Variants in EPHA6 observed in about 807,000 individuals in gnomAD.
The protein encoded by EPHA6 is ephrin type-A receptor 6.
In EPHA6, 50 loss-of-function variants were observed where a neutral mutation model predicts 112.0. The ratio of observed to expected loss-of-function variants is 0.45; its 90% CI spans 0.36 to 0.56. EPHA6 has a LOEUF of 0.56. Among genes scored for constraint, EPHA6 ranks in the 20% least tolerant of loss-of-function variants. The pLI is 0.00. For missense variants in EPHA6, 1,280 were observed against 1,417.4 expected (o/e 0.90, Z 1.56); for synonymous variants, 529 against 490.7 (o/e 1.08, Z -1.03).
intron 11 of EPHA6, among the ~76,000 whole-genome samples, chr3:97,546,545 G>A (rs1170647720): frequency 2.6e-5 from 4 of 152,042 alleles, no homozygotes; most frequent in African/African-American, 9.7e-5. Context: ...TATGTGTCTT[G>A]GGGTTGCTCT....
intron 2 of EPHA6, among the ~76,000 whole-genome samples, chr3:96,906,813 C>G (rs997283350): frequency 6.6e-6 from 1 of 151,800 alleles, no homozygotes; most frequent in Non-Finnish European, 1.5e-5. Context: ...AGAATTTGGT[C>G]CCTAGAGGTA....
At chr3:97,155,472 G>T (rs752719012) in intron 3 of EPHA6, among the ~76,000 whole-genome samples, 4 of 152,162 alleles carry the variant, frequency 2.6e-5, no homozygotes, top group Non-Finnish European at 5.9e-5. Flanking sequence ...CTGTGTATTA[G>T]TTTGTTGCAG....
At chr3:97,302,053 A>AC (rs2081115259) in intron 5 of EPHA6, among the ~76,000 whole-genome samples, 1 of 152,008 alleles carries the variant, frequency 6.6e-6, no homozygotes, top group Non-Finnish European at 1.5e-5. Context: ...TGTACTTTAA[A>AC]AGAAAATTGT....
chr3:97,548,561 T>C (rs1005842270), intron 11 of EPHA6, among the ~76,000 whole-genome samples: 1 of 152,226 alleles, frequency 6.6e-6, no homozygotes, highest in Non-Finnish European at 1.5e-5. Context: ...TCTTGCCTTC[T>C]GTATTTGTCA....
chr3:96,922,642 A>G (rs1576042831), intron 2 of EPHA6, among the ~76,000 whole-genome samples: 1 of 152,014 alleles, frequency 6.6e-6, no homozygotes, highest in East Asian at 1.9e-4. Flanking sequence ...AATTCATTCC[A>G]CTTTTTTTTT....
chr3:97,247,003 T>A (rs2079005319), intron 5 of EPHA6, among the ~76,000 whole-genome samples: 1 of 152,032 alleles, frequency 6.6e-6, no homozygotes, highest in Non-Finnish European at 1.5e-5. Context: ...TTTCAACTGA[T>A]GCCATTTTGT....
intron 3 of EPHA6, among the ~76,000 whole-genome samples, chr3:97,039,060 C>T (rs1559686964): frequency 6.6e-6 from 1 of 151,866 alleles, no homozygotes; most frequent in Non-Finnish European, 1.5e-5. Flanking sequence ...TGCAGTGAGA[C>T]ATTTAAAGGA....
chr3:96,900,993 A>G (rs1014664810), intron 2 of EPHA6, among the ~76,000 whole-genome samples: 2 of 152,244 alleles, frequency 1.3e-5, no homozygotes, highest in African/African-American at 4.8e-5. Flanking sequence ...TATTGAAACT[A>G]AACTTGATTT....
At position 97,629,283 on chromosome 3, in the gene EPHA6, A is replaced by G. The variant is rs1576130402; in HGVS notation, c.2575-8590A>G. Among the ~76,000 whole-genome samples the G allele has an allele frequency of 5.9e-5, 9 of 152,126 alleles. No homozygotes were observed. In the South Asian group the frequency reaches 1.9e-3, roughly 32 times the overall value. On this transcript the variant is annotated intron_variant, in intron 13 of 17. Transcript: ENST00000389672. ...GAAACACACCTTAATTACATTTTTA[A>G]GAGAAAAATAGGTTAAACTTCATGC...
intron 6 of EPHA6, among the ~76,000 whole-genome samples, chr3:97,424,491 C>T (rs60026543): frequency 0.12 from 18,727 of 152,034 alleles, 3,693 homozygotes; most frequent in African/African-American, 0.41. Flanking sequence ...TCCCTTCTGC[C>T]TATGAGCGTG....
chr3:97,345,523 GA>G (rs1464412424), intron 5 of EPHA6, among the ~76,000 whole-genome samples: 1 of 152,148 alleles, frequency 6.6e-6, no homozygotes, highest in Non-Finnish European at 1.5e-5. Context: ...AAGTGGGCAA[GA>G]AATATGAGGG....
chr3:97,049,343 C>G (rs2045612732), intron 3 of EPHA6, among the ~76,000 whole-genome samples: 1 of 152,168 alleles, frequency 6.6e-6, no homozygotes, highest in Non-Finnish European at 1.5e-5. Flanking sequence ...GAAGAAGCAC[C>G]TGAGAACAGT....
chr3:97,428,324 G>A (rs144476560), intron 6 of EPHA6, among the ~76,000 whole-genome samples: 63 of 152,172 alleles, frequency 4.1e-4, no homozygotes, highest in African/African-American at 1.4e-3. Flanking sequence ...AAAGAGGGAG[G>A]AGACTGGATA....
chr3:97,176,106 C>G (rs556824047), intron 3 of EPHA6, among the ~76,000 whole-genome samples: 1 of 151,806 alleles, frequency 6.6e-6, no homozygotes, highest in Non-Finnish European at 1.5e-5. Context: ...GGATTTTTAT[C>G]ATGAAGTCAT....
rs145356069 is a variant in EPHA6 at position 96,989,481 on chromosome 3, A to G, written c.1114+1488A>G. Reference sequence around the variant, plus strand: ...TAACAAGGATTTATAATGGAGAAAAACCATAAATTATCCTGGAGTTAGGAT... The same window carrying G: ...TAACAAGGATTTATAATGGAGAAAAGCCATAAATTATCCTGGAGTTAGGAT... On this transcript the variant is annotated intron_variant, in intron 3 of 17. Coordinates refer to ENST00000389672, the MANE Select transcript of EPHA6 (RefSeq NM_001080448.3). 1.2e-3 allele frequency among the ~76,000 whole-genome samples: 183 copies of G among 152,286 alleles called. 1 individual carries two copies. The highest frequency in any genetic ancestry group is 4.2e-3 in the African/African-American group (174 of 41,564).
rs184510407 is a variant in EPHA6, at chr3:97,135,387, C to A, written c.1115-90877C>A. ...ATAGCTCCTGTTGTTTTTCTTTGAA[C>A]CATCTCCATCTGAAAAACTGGAAAA... is the stretch of plus-strand genomic sequence containing the variant. On this transcript the variant is annotated intron_variant, in intron 3 of 17. Coordinates refer to ENST00000389672, the MANE Select transcript of EPHA6 (RefSeq NM_001080448.3). Among the ~76,000 whole-genome samples, 402 of 152,184 alleles carry A rather than the reference C, an allele frequency of 2.6e-3. 2 individuals are homozygous for A. The highest frequency in any genetic ancestry group is 9.0e-3 in the African/African-American group (372 of 41,546).
chr3:97,052,069 A>G (rs527702711), intron 3 of EPHA6, among the ~76,000 whole-genome samples: 57 of 152,048 alleles, frequency 3.7e-4, no homozygotes, highest in Non-Finnish European at 6.0e-4. Flanking sequence ...TGCTATTATT[A>G]TTACCATTTT....
At chr3:97,029,839 A>G (rs923391638) in intron 3 of EPHA6, among the ~76,000 whole-genome samples, 7 of 152,192 alleles carry the variant, frequency 4.6e-5, no homozygotes, top group Non-Finnish European at 1.0e-4. Context: ...GGATTAAAAA[A>G]TAAAATGAAA....
Position 97,475,443 on chromosome 3 carries a change from C to A in EPHA6, c.1986C>A (p.Phe662Leu), listed in dbSNP as rs1207422116. 1.9e-6 allele frequency: 3 copies of A among 1,610,312 alleles called. No homozygotes were observed. Among genetic ancestry groups the A allele is most frequent in the Non-Finnish European group, 2.5e-6 (3 of 1,177,772 alleles). Residue 662 changes from phenylalanine to leucine, a missense_variant, in exon 8 of 18, where the codon TTC becomes TTA. Transcript: ENST00000389672. Reference sequence around the variant, plus strand: ...CTCTCCTCGTCATCCTCACTTTATTCTTCTTGATCACTGGGAGGTAACTGA... The same window carrying A: ...CTCTCCTCGTCATCCTCACTTTATTATTCTTGATCACTGGGAGGTAACTGA... ...GFTLLVILTL[F>L]FLITGRCQWY...
Sources: gnomAD v4.1 joint callset for allele counts (sites outside exome capture counted in the v4.1 genomes callset) on GRCh38, gnomAD v4.1.1 for gene constraint, MANE v1.5 for transcripts, NCBI Gene and HGNC (gene_info 2026-07-23, HGNC 2026-07-21) for gene names.